The following RAP1GDS1 variants were observed in gnomAD, a reference collection of about 807,000 sequenced individuals.
RAP1GDS1 encodes Rap1 GTPase-GDP dissociation stimulator 1.
RAP1GDS1 carries 35 observed loss-of-function variants against 71.1 expected under a neutral mutation model. The observed-to-expected ratio is 0.49, with a 90% CI of 0.38 to 0.65. The LOEUF (loss-of-function observed/expected upper bound fraction) is 0.65. Among genes scored for constraint, RAP1GDS1 ranks in the 30% least tolerant of loss-of-function variants. RAP1GDS1 has a pLI of 0.00. For synonymous variants in RAP1GDS1, 229 were observed against 243.1 expected (o/e 0.94, Z 0.54); for missense variants, 663 against 706.1 (o/e 0.94, Z 0.69).
chr4:98,410,918 G>GAA (rs1447597670), intron 7 of RAP1GDS1, among the ~76,000 whole-genome samples: 1 of 152,170 alleles, frequency 6.6e-6, no homozygotes, highest in African/African-American at 2.4e-5. Context: ...ATCAGAAACA[G>GAA]AAATGCAGAG....
chr4:98,381,082 AATATAT>A (rs1741937505), intron 5 of RAP1GDS1, among the ~76,000 whole-genome samples: 1 of 151,664 alleles, frequency 6.6e-6, no homozygotes, highest in African/African-American at 2.4e-5. Context: ...CTAACTGTAT[AATATAT>A]ATATTTTTTG....
intron 7 of RAP1GDS1, among the ~76,000 whole-genome samples, chr4:98,413,979 G>A (rs1246456410): frequency 6.6e-6 from 1 of 152,146 alleles, no homozygotes; most frequent in Admixed American, 6.5e-5. Flanking sequence ...GTGATGATGA[G>A]CATTTTTTCA....
At chr4:98,339,671 T>C (rs938542367) in intron 2 of RAP1GDS1, among the ~76,000 whole-genome samples, 2 of 152,168 alleles carry the variant, frequency 1.3e-5, no homozygotes, top group Non-Finnish European at 2.9e-5. Context: ...TTCACAGATA[T>C]CTGAGAACAT....
At chr4:98,387,484 C>T (rs914916640) in intron 5 of RAP1GDS1, 1 of 455,822 alleles carries the variant, frequency 2.2e-6, no homozygotes. Context: ...GAACTTGGAA[C>T]CATTGAAATT....
intron 7 of RAP1GDS1, among the ~76,000 whole-genome samples, chr4:98,407,507 C>G (rs191783303): frequency 6.6e-6 from 1 of 151,728 alleles, no homozygotes; most frequent in Non-Finnish European, 1.5e-5. Flanking sequence ...GAATACTACT[C>G]AGCTATAAAA....
At chr4:98,325,806 C>T (rs12186134) in intron 2 of RAP1GDS1, among the ~76,000 whole-genome samples, 1 of 143,390 alleles carries the variant, frequency 7.0e-6, no homozygotes, top group South Asian at 2.3e-4. Context: ...TAGCATTGGG[C>T]GATATACCTA....
chr4:98,401,155 A>T lies in RAP1GDS1; in HGVS notation c.638-3322A>T, dbSNP rs913602644. On this transcript the variant is annotated intron_variant, in intron 6 of 14. Transcript: ENST00000408927. ...CAATCCAGGTTGGGTTAGGTCAAAA[A>T]ACTGGTGGGATGGTGCTTAGGAGAG... Among the ~76,000 whole-genome samples, 10 of 152,310 alleles carry T rather than the reference A, an allele frequency of 6.6e-5. No individual in the cohort carries two copies. In the East Asian group the frequency reaches 1.9e-3, roughly 29 times the overall value.
rs1214813954 is a variant in RAP1GDS1 at position 98,420,042 on chromosome 4, T to C, written c.1198T>C (p.Ser400Pro). 1.9e-6 allele frequency: 3 copies of C among 1,602,464 alleles called. No homozygotes were observed. The highest frequency in any genetic ancestry group is 4.5e-5 in the East Asian group (2 of 44,448). The change falls in exon 11 of 15, where the codon TCA becomes CCA. Residue 400 changes from serine to proline, a missense_variant. Coordinates refer to ENST00000408927, the MANE Select transcript of RAP1GDS1 (RefSeq NM_001100427.2). ...AGTTATAAATAAAGCAAAGATGTTATCAGCTGGGGTCACAGAGGCAGTTTT... is the reference window on the plus strand; with the variant it reads ...AGTTATAAATAAAGCAAAGATGTTACCAGCTGGGGTCACAGAGGCAGTTTT... The part of the protein sequence containing the change: ...IPVINKAKML[S>P]AGVTEAVLKF...
At chr4:98,304,431 A>G (rs1729019265) in intron 2 of RAP1GDS1, among the ~76,000 whole-genome samples, 1 of 152,006 alleles carries the variant, frequency 6.6e-6, no homozygotes, top group Admixed American at 6.6e-5. Flanking sequence ...TTTGATTTGC[A>G]TTTCTCTAAT....
At chr4:98,331,355 GGAGA>G (rs911426490) in intron 2 of RAP1GDS1, among the ~76,000 whole-genome samples, 4 of 145,226 alleles carry the variant, frequency 2.8e-5, no homozygotes, top group South Asian at 4.4e-4. Context: ...AGAGGGAGAG[GGAGA>G]GAGAGAGGGA....
intron 1 of RAP1GDS1, among the ~76,000 whole-genome samples, chr4:98,269,640 T>C: frequency 6.6e-6 from 1 of 152,106 alleles, no homozygotes; most frequent in Non-Finnish European, 1.5e-5. Context: ...AAAATAAAAA[T>C]ACAGGTTGAG....
rs533179642 is a variant in RAP1GDS1, at chr4:98,275,132, G to A, written c.4+13563G>A. Among the ~76,000 whole-genome samples, 176 of 152,002 alleles carry A rather than the reference G, an allele frequency of 1.2e-3. 1 individual carries two copies. In the South Asian group the frequency reaches 0.017, roughly 15 times the overall value. On this transcript the variant is annotated intron_variant, in intron 1 of 14. Transcript: ENST00000408927. ...CTGATGATAACTTCCTTTGTCTTGC[G>A]AATGTGATGAGTGCTTAGTCTGGTA...
At chr4:98,298,977 A>G (rs1468092664) in intron 2 of RAP1GDS1, among the ~76,000 whole-genome samples, 2 of 152,160 alleles carry the variant, frequency 1.3e-5, no homozygotes, top group African/African-American at 2.4e-5. Context: ...TTACATAGGT[A>G]TACATGTGCC....
chr4:98,433,976 A>G lies in RAP1GDS1; in HGVS notation c.1481A>G (p.His494Arg), dbSNP rs1432000745. The G allele has an allele frequency of 1.2e-6, 2 of 1,611,140 alleles. No homozygotes were observed. Among genetic ancestry groups the G allele is most frequent in the Non-Finnish European group, 1.7e-6 (2 of 1,177,222 alleles). The change falls in exon 13 of 15, where the codon CAT becomes CGT. Residue 494 changes from histidine (H) to arginine (R), a missense_variant. Transcript: ENST00000408927. ...ATTGTGCAGAGTGGTGGCATCAAGC[A>G]TCTAGTTACCATGGCAACTAGTGAA... is the stretch of plus-strand genomic sequence containing the variant. ...KTIVQSGGIK[H>R]LVTMATSEHV...
intron 2 of RAP1GDS1, among the ~76,000 whole-genome samples, chr4:98,323,267 G>A (rs1166259710): frequency 1.4e-5 from 2 of 147,624 alleles, no homozygotes; most frequent in African/African-American, 5.2e-5. Context: ...AGCTGAAATT[G>A]TGGCAATAAT....
chr4:98,287,433 A>G (rs1248321530), intron 1 of RAP1GDS1, among the ~76,000 whole-genome samples: 1 of 152,168 alleles, frequency 6.6e-6, no homozygotes. Context: ...CTTGTAATGA[A>G]TTATAATTAA....
intron 4 of RAP1GDS1, among the ~76,000 whole-genome samples, chr4:98,362,445 C>T (rs1439475536): frequency 3.3e-5 from 5 of 152,144 alleles, no homozygotes; most frequent in African/African-American, 1.2e-4. Flanking sequence ...CACACTCCAG[C>T]CTGGGTGACA....
In RAP1GDS1 at chr4:98,406,589, CCT is replaced by C. The variant is rs543076985; in HGVS notation, c.763+1990_763+1991del. ...ACAAATATTGTGAGAAATTTTAATA[CCT>C]CTTTCAATAATTTATAGAATAAGAT... On this transcript the variant is annotated intron_variant, in intron 7 of 14. Coordinates refer to ENST00000408927, the MANE Select transcript of RAP1GDS1 (RefSeq NM_001100427.2). Among the ~76,000 whole-genome samples the C allele has an allele frequency of 1.1e-3, 162 of 151,962 alleles. 1 individual carries two copies. The highest frequency in any genetic ancestry group is 3.8e-3 in the African/African-American group (157 of 41,482).
intron 6 of RAP1GDS1, among the ~76,000 whole-genome samples, chr4:98,403,231 C>G (rs554438639): frequency 6.6e-6 from 1 of 152,088 alleles, no homozygotes; most frequent in East Asian, 1.9e-4. Context: ...CCAGAGAGAC[C>G]AGTATATATT....
Sources: gnomAD v4.1 joint callset for allele counts (sites outside exome capture counted in the v4.1 genomes callset) on GRCh38, gnomAD v4.1.1 for gene constraint, MANE v1.5 for transcripts, NCBI Gene and HGNC (gene_info 2026-07-23, HGNC 2026-07-21) for gene names.